Variants in DDX10 observed in about 807,000 individuals in gnomAD.
The protein encoded by DDX10 is DEAD-box helicase 10.
Under a neutral mutation model 104.3 loss-of-function variants are expected in DDX10, and 74 were observed. That is an observed-to-expected ratio of 0.71 (90% CI 0.59 to 0.86). DDX10 has a LOEUF of 0.86. DDX10 is among the 40% of genes least tolerant of loss of function. DDX10 has a pLI of 0.00. For synonymous variants in DDX10, 351 were observed against 353.4 expected (o/e 0.99, Z 0.08); for missense variants, 952 against 1,040.0 (o/e 0.92, Z 1.16).
intron 1 of DDX10, among the ~76,000 whole-genome samples, chr11:108,668,767 G>C (rs1591785758): frequency 6.6e-6 from 1 of 152,236 alleles, no homozygotes; most frequent in Non-Finnish European, 1.5e-5. Context: ...GGGCATGTAG[G>C]GGTTGATACA....
intron 6 of DDX10, among the ~76,000 whole-genome samples, chr11:108,683,639 C>T (rs546611774): frequency 5.1e-4 from 78 of 152,312 alleles, no homozygotes; most frequent in Middle Eastern, 6.8e-3. Flanking sequence ...GCAATTTTAG[C>T]AGCTGATAGA....
chr11:108,786,229 A>G (rs866611578), intron 13 of DDX10, among the ~76,000 whole-genome samples: 4 of 151,824 alleles, frequency 2.6e-5, no homozygotes, highest in Middle Eastern at 3.2e-3. Context: ...GAATTATTTC[A>G]ATTTTTTTTT....
intron 17 of DDX10, among the ~76,000 whole-genome samples, chr11:108,925,373 T>A (rs1370619726): frequency 6.6e-6 from 1 of 152,184 alleles, no homozygotes; most frequent in Non-Finnish European, 1.5e-5. Flanking sequence ...TTAGGACAGT[T>A]GTGAGCCTGT....
chr11:108,665,530 TA>T (rs896922807), intron 1 of DDX10, among the ~76,000 whole-genome samples, 191 bp downstream of exon 1: 1 of 151,656 alleles, frequency 6.6e-6, no homozygotes, highest in African/African-American at 2.4e-5. Flanking sequence ...ACACTGTTCC[TA>T]AAAAAATAAT....
At chr11:108,723,876 C>T (rs1020662506) in intron 13 of DDX10, among the ~76,000 whole-genome samples, 23 of 152,050 alleles carry the variant, frequency 1.5e-4, no homozygotes, top group Non-Finnish European at 2.8e-4. Flanking sequence ...ACTCTTAGTG[C>T]GACATTTGTT....
intron 9 of DDX10, among the ~76,000 whole-genome samples, chr11:108,704,113 C>T (rs1465060737): frequency 6.6e-6 from 1 of 152,160 alleles, no homozygotes; most frequent in African/African-American, 2.4e-5. Flanking sequence ...CTCCCAGGTG[C>T]TCCCTGGGAA....
intron 5 of DDX10, 25 bp downstream of exon 5, chr11:108,678,460 A>T (rs773548065): frequency 7.3e-5 from 32 of 436,540 alleles, no homozygotes; most frequent in South Asian, 6.9e-4. Flanking sequence ...TTTCTAATTT[A>T]AAAAAAAAAA....
chr11:108,714,113 A>T (rs1591798683), intron 10 of DDX10, among the ~76,000 whole-genome samples: 1 of 152,238 alleles, frequency 6.6e-6, no homozygotes, highest in Non-Finnish European at 1.5e-5. Flanking sequence ...TGCTGAAAGC[A>T]TGAGGGAATT....
chr11:108,786,105 A>C (rs1861786582), intron 13 of DDX10, among the ~76,000 whole-genome samples: 1 of 152,142 alleles, frequency 6.6e-6, no homozygotes, highest in African/African-American at 2.4e-5. Flanking sequence ...TCATATAATG[A>C]ACAATGGTTC....
intron 13 of DDX10, among the ~76,000 whole-genome samples, chr11:108,837,965 A>G (rs1862580167): frequency 6.6e-6 from 1 of 152,182 alleles, no homozygotes. Context: ...CTGTGTTCCT[A>G]TGGTAAATTA....
intron 13 of DDX10, among the ~76,000 whole-genome samples, chr11:108,779,810 A>G (rs1384885806): frequency 1.3e-5 from 2 of 152,204 alleles, no homozygotes; most frequent in Non-Finnish European, 2.9e-5. Context: ...AAAAAGTTGC[A>G]GAGAGATCCT....
chr11:108,871,394 A>G (rs978320050), intron 16 of DDX10, among the ~76,000 whole-genome samples: 1 of 152,228 alleles, frequency 6.6e-6, no homozygotes, highest in Non-Finnish European at 1.5e-5. Context: ...ACTCTGGAAC[A>G]CATAAGCTCC....
intron 12 of DDX10, among the ~76,000 whole-genome samples, chr11:108,722,466 G>A (rs1488503191): frequency 6.6e-6 from 1 of 152,074 alleles, no homozygotes; most frequent in Non-Finnish European, 1.5e-5. Flanking sequence ...AGCAATGATT[G>A]TGCCATATTC....
At chr11:108,667,276 G>A (rs555464753) in intron 1 of DDX10, among the ~76,000 whole-genome samples, 15 of 152,216 alleles carry the variant, frequency 9.9e-5, no homozygotes, top group Non-Finnish European at 1.6e-4. Flanking sequence ...AGTGAAACAG[G>A]TGGCTGATGG....
intron 13 of DDX10, among the ~76,000 whole-genome samples, chr11:108,784,088 AT>A (rs1198039332): frequency 6.6e-6 from 1 of 152,174 alleles, no homozygotes; most frequent in Non-Finnish European, 1.5e-5. Context: ...TATTTTTACT[AT>A]TGTGAATAAC....
At chr11:108,735,967 A>G (rs1013227919) in intron 13 of DDX10, among the ~76,000 whole-genome samples, 4 of 152,234 alleles carry the variant, frequency 2.6e-5, no homozygotes, top group African/African-American at 9.6e-5. Flanking sequence ...TACTTATAAA[A>G]TAAGTGTAAG....
chr11:108,872,820 T>TCCCCCCC (rs33959241), intron 16 of DDX10, among the ~76,000 whole-genome samples: 20 of 145,102 alleles, frequency 1.4e-4, no homozygotes, highest in South Asian at 2.3e-4. Context: ...TAATTTCCGT[T>TCCCCCCC]CCCCCCCCCT....
chr11:108,745,782 G>A (rs79859340), intron 13 of DDX10, among the ~76,000 whole-genome samples: 1,785 of 152,258 alleles, frequency 0.012, 39 homozygotes, highest in African/African-American at 0.041. Context: ...AGATTATTCA[G>A]ATATTGAAGT....
intron 13 of DDX10, among the ~76,000 whole-genome samples, chr11:108,816,591 C>T (rs1362184027): frequency 4.1e-5 from 6 of 146,832 alleles, no homozygotes; most frequent in Admixed American, 1.4e-4. Flanking sequence ...CTCTCTCTGG[C>T]GCCCAGGCTG....
Sources: gnomAD v4.1 joint callset for allele counts (sites outside exome capture counted in the v4.1 genomes callset) on GRCh38, gnomAD v4.1.1 for gene constraint, MANE v1.5 for transcripts, NCBI Gene and HGNC (gene_info 2026-07-23, HGNC 2026-07-21) for gene names.